Variants in KIF26B observed in about 807,000 individuals in gnomAD.
KIF26B encodes the protein kinesin family member 26B, also known as kinesin-like protein KIF26B.
Under a neutral mutation model 151.2 loss-of-function variants are expected in KIF26B, and 63 were observed. The ratio of observed to expected loss-of-function variants is 0.42; its 90% CI spans 0.34 to 0.51. The LOEUF (loss-of-function observed/expected upper bound fraction) is 0.51, where lower values mean the gene tolerates loss of function less well. KIF26B is among the 20% of genes least tolerant of loss of function. The pLI, the probability that KIF26B is intolerant of heterozygous loss-of-function variation, is 0.07. For synonymous variants in KIF26B, 1,357 were observed against 1,262.1 expected, an observed-to-expected ratio of 1.08 and a Z score of -1.59; for missense variants, 2,813 against 2,913.6, an observed-to-expected ratio of 0.97 and a Z score of 0.79.
intron 2 of KIF26B, among the ~76,000 whole-genome samples, chr1:245,351,294 G>C (rs531851266): frequency 1.3e-5 from 2 of 152,156 alleles, no homozygotes; most frequent in East Asian, 3.9e-4. Flanking sequence ...CTGTTGATAC[G>C]TGGGCCTTGA....
chr1:245,196,604 A>C (rs543573346), intron 2 of KIF26B, among the ~76,000 whole-genome samples: 21 of 152,256 alleles, frequency 1.4e-4, no homozygotes, highest in Admixed American at 4.6e-4. Flanking sequence ...ACGGGTTTCC[A>C]GGTGATTTCC....
chr1:245,339,851 C>T (rs900135882), intron 2 of KIF26B, among the ~76,000 whole-genome samples: 2 of 152,198 alleles, frequency 1.3e-5, no homozygotes. Flanking sequence ...TGGATTATGA[C>T]AGTCCTAGGT....
At chr1:245,259,484 C>A (rs1670594824) in intron 2 of KIF26B, among the ~76,000 whole-genome samples, 1 of 152,110 alleles carries the variant, frequency 6.6e-6, no homozygotes, top group Non-Finnish European at 1.5e-5. Context: ...GAGAATAAGG[C>A]CGGAGGAAGT....
At chr1:245,443,864 C>A (rs1396699519) in intron 4 of KIF26B, among the ~76,000 whole-genome samples, 2 of 38,492 alleles carry the variant, frequency 5.2e-5, no homozygotes, top group African/African-American at 1.0e-4. Flanking sequence ...GTTCACCCTG[C>A]GGTCATCTCC....
At chr1:245,349,652 C>T (rs1672526962) in intron 2 of KIF26B, among the ~76,000 whole-genome samples, 1 of 151,162 alleles carries the variant, frequency 6.6e-6, no homozygotes, top group Non-Finnish European at 1.5e-5. Context: ...GTAATACTGG[C>T]TTAATGAATT....
chr1:245,184,241 G>T (rs755546456), intron 2 of KIF26B, among the ~76,000 whole-genome samples: 4 of 151,224 alleles, frequency 2.6e-5, no homozygotes, highest in South Asian at 2.1e-4. Context: ...TTCCCTTTTG[G>T]GGCACTAATC....
chr1:245,408,618 G>A (rs191334835), intron 3 of KIF26B, among the ~76,000 whole-genome samples: 2 of 152,236 alleles, frequency 1.3e-5, no homozygotes, highest in African/African-American at 2.4e-5. Flanking sequence ...GCCTCCCAAA[G>A]TGTTGGAATT....
intron 9 of KIF26B, among the ~76,000 whole-genome samples, chr1:245,621,916 TATC>T (rs543342909): frequency 3.4e-3 from 512 of 152,380 alleles, no homozygotes; most frequent in Non-Finnish European, 6.1e-3. Flanking sequence ...TATTTTATAT[TATC>T]ATCCTCAGCA....
rs752117098 is a variant in KIF26B at position 245,688,139 on chromosome 1, C to G, written c.5156C>G (p.Pro1719Arg). The part of the protein sequence containing the change: ...SLGRSAGTSP[P>R]SSGASPKAGQ... Reference sequence around the variant, plus strand: ...GGCCGCAGCGCCGGGACCTCGCCCCCCAGCTCCGGGGCCTCGCCCAAGGCC... The same window carrying G: ...GGCCGCAGCGCCGGGACCTCGCCCCGCAGCTCCGGGGCCTCGCCCAAGGCC... Residue 1719 changes from proline (P) to arginine (R), a missense_variant, in exon 12 of 15, where the codon CCC becomes CGC. This residue lies in a region of KIF26B where 2,060 missense variants were observed against 2,088.6 expected (regional missense o/e 0.99). Coordinates refer to ENST00000407071, the MANE Select transcript of KIF26B (RefSeq NM_018012.4). 113 of 1,590,814 alleles carry G rather than the reference C, an allele frequency of 7.1e-5. No homozygotes were observed. In the South Asian group the frequency reaches 1.2e-3, roughly 17 times the overall value.
chr1:245,704,898 C>T lies in KIF26B; in HGVS notation c.*2292C>T, dbSNP rs2147974710. The T allele has an allele frequency of 6.6e-6, 1 of 152,248 alleles. No individual in the cohort carries two copies. The highest frequency in any genetic ancestry group is 6.5e-5 in the Admixed American group (1 of 15,298). The allele number at this position is 152,248 out of a possible 1,614,324, so 9.4% of individuals were successfully genotyped here. A position where few individuals can be genotyped will look rare whatever the true frequency, so the allele number is the denominator to read the frequency against. On this transcript the variant is annotated 3_prime_UTR_variant, in exon 15 of 15. Transcript: ENST00000407071. ...TTGGAGATTTTCAAAGGTGAATATT[C>T]TGTTTTTGTTGGAAAGAAACTCATC... is the stretch of plus-strand genomic sequence containing the variant.
At chr1:245,567,971 G>T (rs978055423) in intron 5 of KIF26B, among the ~76,000 whole-genome samples, 1 of 151,846 alleles carries the variant, frequency 6.6e-6, no homozygotes, top group African/African-American at 2.4e-5. Flanking sequence ...ATCACCTGCG[G>T]TCTGGAGTTC....
At chr1:245,307,426 T>C (rs2102980593) in intron 2 of KIF26B, among the ~76,000 whole-genome samples, 1 of 152,250 alleles carries the variant, frequency 6.6e-6, no homozygotes, top group South Asian at 2.1e-4. Flanking sequence ...TTGTCTTGGG[T>C]GATAAGCCCC....
intron 2 of KIF26B, among the ~76,000 whole-genome samples, chr1:245,247,770 G>C (rs767516831): frequency 3.9e-4 from 60 of 152,198 alleles, no homozygotes; most frequent in Non-Finnish European, 6.5e-4. Flanking sequence ...CCTTGCCCCA[G>C]AACAATTAAG....
At chr1:245,348,658 T>C (rs1245508342) in intron 2 of KIF26B, among the ~76,000 whole-genome samples, 1 of 152,202 alleles carries the variant, frequency 6.6e-6, no homozygotes, top group African/African-American at 2.4e-5. Context: ...CCAGCCATCA[T>C]GTTGGGGACT....
intron 4 of KIF26B, among the ~76,000 whole-genome samples, chr1:245,508,508 G>C (rs1660769907): frequency 6.6e-6 from 1 of 152,106 alleles, no homozygotes; most frequent in Non-Finnish European, 1.5e-5. Context: ...CCCAAGTGCT[G>C]TGTGATCCTT....
chr1:245,575,202 C>A (rs1035076310), intron 5 of KIF26B, among the ~76,000 whole-genome samples: 1 of 149,672 alleles, frequency 6.7e-6, no homozygotes, highest in Non-Finnish European at 1.5e-5. Context: ...AGGCTGGGGG[C>A]GGTGGCTCAC....
chr1:245,258,213 G>C (rs564682482), intron 2 of KIF26B, among the ~76,000 whole-genome samples: 45 of 152,116 alleles, frequency 3.0e-4, no homozygotes, highest in Non-Finnish European at 6.2e-4. Flanking sequence ...TATGGAGTTC[G>C]CTGTACATGA....
chr1:245,157,261 G>A (rs958518037), intron 2 of KIF26B, among the ~76,000 whole-genome samples: 13 of 152,344 alleles, frequency 8.5e-5, no homozygotes, highest in Admixed American at 2.6e-4. Context: ...CTGCTCCTGC[G>A]CCAAGCACAC....
In KIF26B at chr1:245,155,021, G is replaced by C; in HGVS notation, c.-404G>C. On this transcript the variant is annotated 5_prime_UTR_variant, in exon 1 of 15. Coordinates refer to ENST00000407071, the MANE Select transcript of KIF26B (RefSeq NM_018012.4). ...TCGGTGAAGGAGACAAGTTCCCACA[G>C]CTGACTCGGCTCGGCTCTCCCACCT... 2.3e-6 allele frequency: 1 copy of C among 439,362 alleles called. No individual in the cohort carries two copies. The highest frequency in any genetic ancestry group is 3.9e-6 in the Non-Finnish European group (1 of 253,814). 27.2% of individuals were successfully genotyped at this position (439,362 alleles called of 1,614,324 possible).
Sources: gnomAD v4.1 joint callset for allele counts (sites outside exome capture counted in the v4.1 genomes callset) on GRCh38, gnomAD v4.1.1 for gene constraint, gnomAD v4.1.1 regional missense constraint, MANE v1.5 for transcripts, NCBI Gene and HGNC (gene_info 2026-07-23, HGNC 2026-07-21) for gene names.